HSPA4: variants seen among roughly 807,000 people sequenced by gnomAD.
The protein encoded by HSPA4 is heat shock 70 kDa protein 4.
In HSPA4, 25 loss-of-function variants were observed where a neutral mutation model predicts 106.2. The ratio of observed to expected loss-of-function variants is 0.24; its 90% CI spans 0.17 to 0.33. HSPA4 has a LOEUF of 0.33. Among genes scored for constraint, HSPA4 ranks in the 10% least tolerant of loss-of-function variants. The probability of loss-of-function intolerance (pLI) is 1.00; values close to 1 mark genes in which losing one functional copy is unlikely to be tolerated. For synonymous variants in HSPA4, 332 were observed against 333.6 expected (o/e 1.00, Z 0.05); for missense variants, 841 against 996.0 (o/e 0.84, Z 2.10).
At chr5:133,065,546 C>T (rs1050163526) in intron 2 of HSPA4, among the ~76,000 whole-genome samples, 1 of 152,216 alleles carries the variant, frequency 6.6e-6, no homozygotes, top group African/African-American at 2.4e-5. Context: ...ATAGCATTAG[C>T]AGTATAATCT....
At chr5:133,093,966 G>A (rs1303702752) in intron 13 of HSPA4, among the ~76,000 whole-genome samples, 1 of 152,112 alleles carries the variant, frequency 6.6e-6, no homozygotes, top group Admixed American at 6.5e-5. Flanking sequence ...GGTGGTACAC[G>A]CTGGTAGCTC....
At chr5:133,073,402 T>A in intron 5 of HSPA4, 73 bp downstream of exon 5, 1 of 1,016,986 alleles carries the variant, frequency 9.8e-7, no homozygotes, top group Non-Finnish European at 1.5e-6. Context: ...ACCCTGGGGT[T>A]TCTTGCTCTT....
chr5:133,053,359 C>G (rs542110653), intron 1 of HSPA4, among the ~76,000 whole-genome samples: 4 of 123,412 alleles, frequency 3.2e-5, no homozygotes, highest in African/African-American at 1.2e-4. Flanking sequence ...TTTTTTGAGA[C>G]AGACAGGGTC....
At chr5:133,102,989 C>A (rs139384297) in intron 17 of HSPA4, among the ~76,000 whole-genome samples, 73 of 143,470 alleles carry the variant, frequency 5.1e-4, no homozygotes, top group African/African-American at 1.8e-3. Context: ...TCAAATGATC[C>A]ACCCACCTCA....
intron 15 of HSPA4, among the ~76,000 whole-genome samples, chr5:133,098,758 C>T (rs540605715): frequency 2.2e-4 from 34 of 152,030 alleles, no homozygotes; most frequent in African/African-American, 8.2e-4. Flanking sequence ...CTGCAACCTC[C>T]ACCTCCCTGG....
At chr5:133,054,238 T>TGG (rs1464461742) in intron 1 of HSPA4, among the ~76,000 whole-genome samples, 2 of 151,980 alleles carry the variant, frequency 1.3e-5, no homozygotes, top group African/African-American at 2.4e-5. Flanking sequence ...AGTCTTACTC[T>TGG]GTTCCCTACG....
chr5:133,094,190 T>A (rs543147860), intron 13 of HSPA4, among the ~76,000 whole-genome samples: 1 of 152,362 alleles, frequency 6.6e-6, no homozygotes, highest in Admixed American at 6.5e-5. Context: ...CATTTTTGAA[T>A]CCTTTACAAC....
chr5:133,086,181 C>T (rs1033313769), intron 7 of HSPA4, among the ~76,000 whole-genome samples: 13 of 152,210 alleles, frequency 8.5e-5, no homozygotes, highest in African/African-American at 2.4e-4. Context: ...TGCCACTGCA[C>T]TCCAGTCTGG....
intron 16 of HSPA4, among the ~76,000 whole-genome samples, chr5:133,100,393 G>T (rs1299882732): frequency 6.7e-6 from 1 of 149,610 alleles, no homozygotes; most frequent in Non-Finnish European, 1.5e-5. Flanking sequence ...TGTATTTAAA[G>T]CATCTGATCT....
At position 133,106,100 on chromosome 5, in the gene HSPA4, AAATTTTTTTTTTTTT is replaced by A; in HGVS notation, c.*1665_*1679del. On this transcript the variant is annotated 3_prime_UTR_variant, in exon 19 of 19. Transcript: ENST00000304858. ...TGGCCATTTCTTCTTAAAAAAAAAAAAATTTTTTTTTTTTTTTTTTTTTTTTTTTTTTTTTTTTTT... is the reference window on the plus strand; with the variant it reads ...TGGCCATTTCTTCTTAAAAAAAAAAATTTTTTTTTTTTTTTTTTTTTTTTT... 9.2e-6 allele frequency: 1 copy of A among 108,218 alleles called. No homozygotes were observed. The allele number at this position is 108,218 out of a possible 1,614,324, so 6.7% of individuals were successfully genotyped here. A position where few individuals can be genotyped will look rare whatever the true frequency, so the allele number is the denominator to read the frequency against.
chr5:133,074,892 A>G (rs138692863), intron 6 of HSPA4, among the ~76,000 whole-genome samples: 2 of 152,304 alleles, frequency 1.3e-5, no homozygotes, highest in East Asian at 3.9e-4. Context: ...TTTATCTAGA[A>G]TTTGGTGAAG....
At position 133,091,217 on chromosome 5, in the gene HSPA4, C is replaced by T; in HGVS notation, c.1403C>T (p.Thr468Ile). 6.2e-7 allele frequency: 1 copy of T among 1,614,022 alleles called. No homozygotes were observed. The highest frequency in any genetic ancestry group is 2.2e-5 in the East Asian group (1 of 44,884). The change falls in exon 12 of 19, where the codon ACT becomes ATT. Residue 468 changes from threonine to isoleucine, a missense_variant. Physicochemically the swap from Thr to Ile is moderately conservative, Grantham distance 89 (BLOSUM62 -1). Around this residue, in one of 5 missense-constraint regions of HSPA4, gnomAD observed 162 missense variants for 177.7 expected, o/e 0.91. Transcript: ENST00000304858. ...GCTCAGTTTTCAGTTCAGAAAGTCA[C>T]TCCTCAGTCTGATGGCTCCAGTTCA... is the stretch of plus-strand genomic sequence containing the variant. ...AIAQFSVQKV[T>I]PQSDGSSSKV...
chr5:133,061,982 A>G (rs1765250098), intron 1 of HSPA4, among the ~76,000 whole-genome samples: 1 of 152,162 alleles, frequency 6.6e-6, no homozygotes, highest in African/African-American at 2.4e-5. Flanking sequence ...AAGGCTTTAC[A>G]GACAAAATAG....
In HSPA4 at chr5:133,060,816, C is replaced by CTTTT. The variant is rs34721359; in HGVS notation, c.108-4146_108-4143dup. 1.4e-3 allele frequency among the ~76,000 whole-genome samples: 129 copies of CTTTT among 95,100 alleles called. 1 individual carries two copies. Among genetic ancestry groups the CTTTT allele is most frequent in the East Asian group, 5.1e-3 (17 of 3,330 alleles). 62.4% of individuals were successfully genotyped at this position (95,100 alleles called of 152,430 possible). Reference sequence around the variant, plus strand: ...TTCAGTTCCAGTAGGTGAAACAGGACTTTTTTTTTTTTTTTTTTTTTGAGA... The same window carrying CTTTT: ...TTCAGTTCCAGTAGGTGAAACAGGACTTTTTTTTTTTTTTTTTTTTTTTTTGAGA... On this transcript the variant is annotated intron_variant, in intron 1 of 18. Coordinates refer to ENST00000304858, the MANE Select transcript of HSPA4 (RefSeq NM_002154.4).
chr5:133,063,751 T>C (rs1477783301), intron 1 of HSPA4, among the ~76,000 whole-genome samples: 2 of 151,178 alleles, frequency 1.3e-5, no homozygotes, highest in South Asian at 4.2e-4. Context: ...CTTATACTTA[T>C]TAATGCCCTT....
intron 12 of HSPA4, among the ~76,000 whole-genome samples, chr5:133,091,804 T>C (rs937304596): frequency 1.3e-5 from 2 of 152,216 alleles, no homozygotes; most frequent in Admixed American, 6.5e-5. Context: ...GGCAGGAAGA[T>C]TGCTTGAGCC....
intron 17 of HSPA4, 50 bp from the exon 18 acceptor site, chr5:133,103,815 A>G (rs1765820170): frequency 6.7e-7 from 1 of 1,491,274 alleles, no homozygotes; most frequent in Non-Finnish European, 9.2e-7. Context: ...AGTTGCGGGG[A>G]GGGAGGGTAT....
At chr5:133,083,406 C>G (rs1240184258) in intron 7 of HSPA4, among the ~76,000 whole-genome samples, 1 of 152,154 alleles carries the variant, frequency 6.6e-6, no homozygotes, top group African/African-American at 2.4e-5. Flanking sequence ...TTCAGACATG[C>G]AACAAAGTTG....
chr5:133,073,887 AAC>A (rs1765415153), intron 5 of HSPA4, 104 bp from the exon 6 acceptor site: 1 of 625,548 alleles, frequency 1.6e-6, no homozygotes, highest in Non-Finnish European at 2.5e-6. Context: ...TCTAAAACAT[AAC>A]ACATGTAGTT....
Sources: gnomAD v4.1 joint callset for allele counts (sites outside exome capture counted in the v4.1 genomes callset) on GRCh38, gnomAD v4.1.1 for gene constraint, gnomAD v4.1.1 regional missense constraint, MANE v1.5 for transcripts, NCBI Gene and HGNC (gene_info 2026-07-23, HGNC 2026-07-21) for gene names.